NPHP1: variants seen among roughly 807,000 people sequenced by gnomAD.
NPHP1 encodes nephrocystin 1.
NPHP1 carries 70 observed loss-of-function variants against 90.4 expected under a neutral mutation model. The observed-to-expected ratio is 0.77, with a 90% CI of 0.64 to 0.95. NPHP1 has a LOEUF of 0.95. Ranked by LOEUF, NPHP1 falls within the 40% of genes least tolerant of loss-of-function variation. The pLI, the probability that NPHP1 is intolerant of heterozygous loss-of-function variation, is 0.00. For missense variants in NPHP1, 764 were observed against 795.9 expected (o/e 0.96, Z 0.48); for synonymous variants, 256 against 271.7 (o/e 0.94, Z 0.57).
chr2:110,173,885 C>A (rs1314314389), intron 4 of NPHP1, among the ~76,000 whole-genome samples: 1 of 152,058 alleles, frequency 6.6e-6, no homozygotes, highest in African/African-American at 2.4e-5. Flanking sequence ...TTGCTTTATA[C>A]ATTTGAACCC....
chr2:110,139,552 T>C (rs1295087517), intron 16 of NPHP1, among the ~76,000 whole-genome samples: 1 of 152,210 alleles, frequency 6.6e-6, no homozygotes, highest in Non-Finnish European at 1.5e-5. Context: ...ACAGGATTCC[T>C]GATATCCAAA....
At chr2:110,190,502 AGCCCAC>A (rs1191633002) in intron 2 of NPHP1, among the ~76,000 whole-genome samples, 1 of 152,160 alleles carries the variant, frequency 6.6e-6, no homozygotes, top group Non-Finnish European at 1.5e-5. Context: ...GAGTCCACGG[AGCCCAC>A]GCCCACCCGG....
intron 16 of NPHP1, among the ~76,000 whole-genome samples, chr2:110,136,638 G>A (rs1393784788): frequency 6.6e-6 from 1 of 152,074 alleles, no homozygotes; most frequent in Admixed American, 6.6e-5. Context: ...ACCTCTTCAA[G>A]GAGAAATACA....
In NPHP1 at chr2:110,123,907, G is replaced by T. The variant is rs1364489107; in HGVS notation, c.1918C>A (p.Gln640Lys). 1 of 1,614,052 alleles carries T rather than the reference G, an allele frequency of 6.2e-7. No individual in the cohort carries two copies. The highest frequency in any genetic ancestry group is 1.7e-5 in the Admixed American group (1 of 60,018). Residue 640 changes from glutamine (Q) to lysine (K), a missense_variant, in exon 20 of 20, where the codon CAA (glutamine) becomes AAA (lysine). By Grantham distance (53) the Gln-to-Lys change is moderately conservative. Transcript: ENST00000445609. ...GCTTGGAGGGCGCCCTGGTTTTCTT[G>T]GTTTTGCTTAAGGAAGTCAGTGATA... is the stretch of plus-strand genomic sequence containing the variant. ...KVITDFLKQN[Q>K]ENQGALQALL...
At chr2:110,157,132 C>T (rs959804093) in intron 11 of NPHP1, among the ~76,000 whole-genome samples, 2 of 152,166 alleles carry the variant, frequency 1.3e-5, no homozygotes, top group Non-Finnish European at 2.9e-5. Flanking sequence ...CTTACATAAA[C>T]AGCACGAGTA....
At chr2:110,164,858 G>A (rs1682606492) in intron 7 of NPHP1, 128 bp from the exon 8 acceptor site, 3 of 959,630 alleles carry the variant, frequency 3.1e-6, no homozygotes, top group South Asian at 1.3e-5. Context: ...AGATGAAAAC[G>A]AGGTAGAGCT....
intron 4 of NPHP1, among the ~76,000 whole-genome samples, chr2:110,170,318 T>C (rs1456637654): frequency 1.3e-5 from 2 of 152,172 alleles, no homozygotes; most frequent in Non-Finnish European, 2.9e-5. Flanking sequence ...ACTTAGAGCA[T>C]AGGCTCTGCT....
chr2:110,168,405 GA>G (rs11453404), intron 6 of NPHP1, 46 bp downstream of exon 6: 57,419 of 809,296 alleles, frequency 0.071, 2 homozygotes, highest in East Asian at 0.1. Flanking sequence ...TATTAAAAGC[GA>G]AAAAAAAAAA....
chr2:110,136,423 C>T (rs953683141), intron 16 of NPHP1, among the ~76,000 whole-genome samples: 1 of 152,006 alleles, frequency 6.6e-6, no homozygotes, highest in African/African-American at 2.4e-5. Context: ...TCTAGAAAAC[C>T]CCATTGTCTC....
intron 2 of NPHP1, chr2:110,185,090 C>T (rs887321832): frequency 3.4e-6 from 2 of 590,278 alleles, no homozygotes; most frequent in Admixed American, 3.7e-5. Context: ...GGGCTCTATC[C>T]TTGCCTCCAT....
chr2:110,132,583 G>A (rs116523787), intron 16 of NPHP1, among the ~76,000 whole-genome samples: 2,034 of 152,246 alleles, frequency 0.013, 47 homozygotes, highest in African/African-American at 0.046. Context: ...GAGCCTGGGC[G>A]GTGGATGTTG....
At position 110,144,536 on chromosome 2, in the gene NPHP1, A is replaced by C; in HGVS notation, c.1386T>G (p.Pro462=). 1 of 1,606,398 alleles carries C rather than the reference A, an allele frequency of 6.2e-7. No individual in the cohort carries two copies. Among genetic ancestry groups the C allele is most frequent in the South Asian group, 1.1e-5 (1 of 90,924 alleles). The stretch of plus-strand genomic sequence containing the variant: ...GGTCCACTTCAATACCTTTTTCATA[A>C]GGAGTACCACCATTCAAGAAAAGCT... ...TYELFLNGGT[P]YEKGIEVDPS... is the part of the protein sequence containing the mutation. Residue 462 remains proline (P), a synonymous_variant, in exon 15 of 20, where the codon CCT becomes CCG. Transcript: ENST00000445609.
chr2:110,190,661 A>G (rs1034376808), intron 2 of NPHP1, among the ~76,000 whole-genome samples: 8 of 152,300 alleles, frequency 5.3e-5, no homozygotes, highest in African/African-American at 1.9e-4. Flanking sequence ...GGCAGGCTGA[A>G]GGGCTCCTCA....
chr2:110,198,112 G>T (rs1309667839), intron 2 of NPHP1, among the ~76,000 whole-genome samples: 1 of 152,044 alleles, frequency 6.6e-6, no homozygotes, highest in African/African-American at 2.4e-5. Context: ...GCCAGCAAGA[G>T]ATTTCAACAA....
At chr2:110,143,331 G>T (rs1390408723) in intron 16 of NPHP1, among the ~76,000 whole-genome samples, 2 of 152,124 alleles carry the variant, frequency 1.3e-5, no homozygotes, top group African/African-American at 4.8e-5. Flanking sequence ...TCAAATAACA[G>T]ATTTGGTTAG....
At chr2:110,134,077 G>C (rs1359858356) in intron 16 of NPHP1, among the ~76,000 whole-genome samples, 6 of 152,108 alleles carry the variant, frequency 3.9e-5, no homozygotes, top group Non-Finnish European at 7.4e-5. Flanking sequence ...GCAAGACTCT[G>C]TTCTTTGAAA....
intron 11 of NPHP1, among the ~76,000 whole-genome samples, chr2:110,157,431 C>T (rs1004595669): frequency 3.9e-5 from 6 of 152,038 alleles, no homozygotes; most frequent in African/African-American, 1.4e-4. Context: ...ACCGTCATAA[C>T]ATAAGTTCAT....
intron 8 of NPHP1, chr2:110,164,439 T>A: frequency 5.2e-6 from 4 of 766,080 alleles, no homozygotes; most frequent in Admixed American, 1.9e-5. Context: ...TCAATGAGAA[T>A]GTTTCCAAGT....
Position 110,147,581 on chromosome 2 carries a change from A to G in NPHP1, c.1269+335T>C, listed in dbSNP as rs17842684. 0.012 allele frequency among the ~76,000 whole-genome samples: 1,853 copies of G among 152,272 alleles called. 35 individuals carry two copies. Among genetic ancestry groups the G allele is most frequent in the African/African-American group, 0.042 (1,741 of 41,554 alleles). ...AGAAACCTCAGTTACAAGGCTAAGT[A>G]TACTCTGCCCCTGGAAGACAGAGGT... On this transcript the variant is annotated intron_variant, in intron 13 of 19. Transcript: ENST00000445609.
Sources: allele counts gnomAD v4.1 joint callset (sites outside exome capture counted in the v4.1 genomes callset), GRCh38; gene constraint gnomAD v4.1.1; transcripts MANE v1.5; gene names NCBI Gene and HGNC (gene_info 2026-07-23, HGNC 2026-07-21).